PAK3: variants seen among roughly 807,000 people sequenced by gnomAD.
PAK3 encodes the protein serine/threonine-protein kinase PAK 3.
A neutral mutation model predicts 41.0 loss-of-function variants in PAK3; 4 were observed. That is an observed-to-expected ratio of 0.10 (90% CI 0.05 to 0.22). The LOEUF (loss-of-function observed/expected upper bound fraction) is 0.22, where lower values mean the gene tolerates loss of function less well. PAK3 is among the 10% of genes least tolerant of loss of function. The pLI is 1.00. For missense variants in PAK3, 205 were observed against 409.9 expected (o/e 0.50, Z 4.32); for synonymous variants, 146 against 139.6 (o/e 1.05, Z -0.32).
rs2094936520 is a variant in PAK3, at chrX:111,223,196, C to A, written c.*2749C>A. ...CCAAATCTTTGATGTTGCTAGTGTGCCCTGAGATAACGAGGGCACATCTTT... is the reference window on the plus strand; with the variant it reads ...CCAAATCTTTGATGTTGCTAGTGTGACCTGAGATAACGAGGGCACATCTTT... On this transcript the variant is annotated 3_prime_UTR_variant, in exon 18 of 18. Transcript: ENST00000372007. 9.0e-6 allele frequency: 1 copy of A among 110,711 alleles called. No homozygotes were observed. The highest frequency in any genetic ancestry group is 3.3e-5 in the African/African-American group (1 of 30,411). 9.1% of individuals were successfully genotyped at this position (110,711 alleles called of 1,213,427 possible). A position where few individuals can be genotyped will look rare whatever the true frequency, so the allele number is the denominator to read the frequency against.
intron 1 of PAK3, among the ~76,000 whole-genome samples, chrX:111,009,548 G>A (rs1042359351): frequency 2.7e-5 from 3 of 111,358 alleles, no homozygotes; most frequent in Non-Finnish European, 3.8e-5. Context: ...CAATTATGAC[G>A]TCTGAGAATC....
chrX:111,022,342 C>G (rs1455569207), intron 1 of PAK3, among the ~76,000 whole-genome samples: 1 of 111,937 alleles, frequency 8.9e-6, no homozygotes, highest in Non-Finnish European at 1.9e-5. Flanking sequence ...AGCAGAAACC[C>G]TATAAGCTAG....
intron 1 of PAK3, among the ~76,000 whole-genome samples, chrX:111,060,647 A>G (rs1468806153): frequency 1.8e-5 from 2 of 111,271 alleles, no homozygotes; most frequent in African/African-American, 6.5e-5. Flanking sequence ...TGTGTAATTC[A>G]TTGCATTTTG....
At chrX:111,025,364 A>G (rs1333496678) in intron 1 of PAK3, among the ~76,000 whole-genome samples, 2 of 111,745 alleles carry the variant, frequency 1.8e-5, no homozygotes, top group African/African-American at 6.5e-5. Context: ...TGGTTATTTG[A>G]AAAGATAAAT....
chrX:111,045,672 C>T (rs1482253982), intron 1 of PAK3, among the ~76,000 whole-genome samples: 1 of 111,740 alleles, frequency 8.9e-6, no homozygotes, highest in Non-Finnish European at 1.9e-5. Context: ...ACAGTCATGC[C>T]TAGTCATATA....
rs1398791292 is a variant in PAK3, at chrX:111,113,194, C to T, written c.-27-9883C>T. ...GCTCAAGCGCTATATCCTCTGAACCCGCTGGGAATATTAGCTATCCTTCCT... is the reference window on the plus strand; with the variant it reads ...GCTCAAGCGCTATATCCTCTGAACCTGCTGGGAATATTAGCTATCCTTCCT... On this transcript the variant is annotated intron_variant, in intron 4 of 17. Coordinates refer to ENST00000372007, the MANE Select transcript of PAK3 (RefSeq NM_002578.5). 6.3e-5 allele frequency among the ~76,000 whole-genome samples: 7 copies of T among 111,675 alleles called. No individual in the cohort carries two copies. The East Asian group carries it at 8.4e-4, about 13-fold the overall frequency.
At chrX:111,091,787 G>T, upstream of PAK3, among the ~76,000 whole-genome samples, 1 of 112,219 alleles carries the variant, frequency 8.9e-6, no homozygotes, top group Non-Finnish European at 1.9e-5. Flanking sequence ...GTAGTGAGCG[G>T]CCCTGAGTGA....
intron 1 of PAK3, among the ~76,000 whole-genome samples, chrX:111,005,177 G>A (rs913813390): frequency 3.6e-5 from 4 of 111,614 alleles, no homozygotes; most frequent in Admixed American, 2.8e-4. Flanking sequence ...CCCTCTAACA[G>A]ACCCTTTGTA....
At chrX:111,192,070 A>T in intron 11 of PAK3, 57 bp from the exon 12 acceptor site, 1 of 707,951 alleles carries the variant, frequency 1.4e-6, no homozygotes, top group Non-Finnish European at 2.2e-6. Flanking sequence ...TATTTCAAGT[A>T]AAATATATTG....
At chrX:111,205,007 C>A (rs2094729330) in intron 16 of PAK3, among the ~76,000 whole-genome samples, 1 of 93,811 alleles carries the variant, frequency 1.1e-5, no homozygotes, top group South Asian at 6.1e-4. Context: ...AGACAAGGAA[C>A]TTTCTAGTGT....
chrX:111,069,635 A>T (rs2092727146), intron 1 of PAK3, among the ~76,000 whole-genome samples: 1 of 109,536 alleles, frequency 9.1e-6, no homozygotes, highest in Admixed American at 9.9e-5. Flanking sequence ...ACAAGTCTGT[A>T]TCTCGTATCT....
chrX:111,041,780 A>C (rs886570433), intron 1 of PAK3, among the ~76,000 whole-genome samples: 3 of 110,914 alleles, frequency 2.7e-5, no homozygotes, highest in African/African-American at 9.8e-5. Context: ...CTTAAGCCTC[A>C]GTTTCTTCAA....
chrX:111,025,936 A>G (rs992795572), intron 1 of PAK3, among the ~76,000 whole-genome samples: 1 of 111,648 alleles, frequency 9.0e-6, no homozygotes, highest in African/African-American at 3.2e-5. Context: ...ATCCAACAGC[A>G]TATCAAAAAG....
At chrX:111,042,615 C>G (rs1056728323) in intron 1 of PAK3, among the ~76,000 whole-genome samples, 1 of 111,530 alleles carries the variant, frequency 9.0e-6, no homozygotes, top group Non-Finnish European at 1.9e-5. Context: ...AATCCACATG[C>G]GGCAACCACA....
At chrX:111,073,547 A>G (rs770344828) in intron 1 of PAK3, among the ~76,000 whole-genome samples, 6 of 112,105 alleles carry the variant, frequency 5.4e-5, no homozygotes, top group Non-Finnish European at 1.1e-4. Context: ...ATGACTAAAT[A>G]AAAACAAATG....
chrX:111,222,037 G>A lies in PAK3; in HGVS notation c.*1590G>A, dbSNP rs1234309329. 1 of 111,965 alleles carries A rather than the reference G, an allele frequency of 8.9e-6. No homozygotes were observed. Among genetic ancestry groups the A allele is most frequent in the East Asian group, 2.8e-4 (1 of 3,594 alleles). 9.2% of individuals were successfully genotyped at this position (111,965 alleles called of 1,213,427 possible). A position where few individuals can be genotyped will look rare whatever the true frequency, so the allele number is the denominator to read the frequency against. On this transcript the variant is annotated 3_prime_UTR_variant, in exon 18 of 18. Coordinates refer to ENST00000372007, the MANE Select transcript of PAK3 (RefSeq NM_002578.5). ...TCTGCGGAGTGTCTGTGTAGAAAAG[G>A]ATATGCCTCTCTTTTGAGTGTATTG...
chrX:111,155,990 T>C (rs186188743), intron 8 of PAK3, among the ~76,000 whole-genome samples: 10 of 111,878 alleles, frequency 8.9e-5, no homozygotes, highest in African/African-American at 2.6e-4. Context: ...TGAAGTGTTT[T>C]GGAGCAGGAG....
chrX:111,139,363 A>G (rs16986380), intron 5 of PAK3, among the ~76,000 whole-genome samples: 6,584 of 111,782 alleles, frequency 0.059, 505 homozygotes, highest in African/African-American at 0.2. Context: ...AGCTTAAAAA[A>G]AAGACTCAAT....
chrX:111,226,955 T>C lies in PAK3; in HGVS notation c.*6508T>C. 8.9e-6 allele frequency: 1 copy of C among 112,053 alleles called. No homozygotes were observed. The highest frequency in any genetic ancestry group is 3.2e-5 in the African/African-American group (1 of 30,802). The allele number at this position is 112,053 out of a possible 1,213,427, so 9.2% of individuals were successfully genotyped here. A position where few individuals can be genotyped will look rare whatever the true frequency, so the allele number is the denominator to read the frequency against. ...GTGATGTCTACTGGGATTATACTCA[T>C]AACATCTACACAAAACAAGTTGAGA... On this transcript the variant is annotated 3_prime_UTR_variant, in exon 18 of 18. Transcript: ENST00000372007.
Sources: gnomAD v4.1 joint callset for allele counts (sites outside exome capture counted in the v4.1 genomes callset) on GRCh38, gnomAD v4.1.1 for gene constraint, MANE v1.5 for transcripts, NCBI Gene and HGNC (gene_info 2026-07-23, HGNC 2026-07-21) for gene names.